PHTF2: variants seen among roughly 807,000 people sequenced by gnomAD.
PHTF2 encodes the protein protein PHTF2.
Under a neutral mutation model 101.2 loss-of-function variants are expected in PHTF2, and 60 were observed. The ratio of observed to expected loss-of-function variants is 0.59; its 90% CI spans 0.48 to 0.73. The LOEUF (loss-of-function observed/expected upper bound fraction) is 0.73. Ranked by LOEUF, PHTF2 falls within the 30% of genes least tolerant of loss-of-function variation. PHTF2 has a pLI of 0.00. For missense variants in PHTF2, 747 were observed against 908.7 expected (o/e 0.82, Z 2.29); for synonymous variants, 311 against 307.3 (o/e 1.01, Z -0.13).
chr7:77,923,117 C>T, intron 11 of PHTF2: 1 of 1,004,598 alleles, frequency 1.0e-6, no homozygotes, highest in Non-Finnish European at 1.2e-6. Flanking sequence ...TACATTTGAT[C>T]ATAGCAAAGT....
chr7:77,874,028 A>G (rs1798735973), intron 3 of PHTF2, among the ~76,000 whole-genome samples: 1 of 152,142 alleles, frequency 6.6e-6, no homozygotes, highest in African/African-American at 2.4e-5. Context: ...ATTTTCTTTC[A>G]TCACTTTGTC....
intron 3 of PHTF2, among the ~76,000 whole-genome samples, chr7:77,878,428 CA>C (rs1403560288): frequency 6.6e-6 from 1 of 151,926 alleles, no homozygotes; most frequent in Non-Finnish European, 1.5e-5. Flanking sequence ...TTTAGTTTTA[CA>C]ATAGTGATGT....
intron 3 of PHTF2, among the ~76,000 whole-genome samples, chr7:77,868,873 G>A (rs1020194790): frequency 1.3e-5 from 2 of 152,176 alleles, no homozygotes; most frequent in South Asian, 2.1e-4. Context: ...TTTTGAGAAA[G>A]TTCTAGCACA....
intron 6 of PHTF2, among the ~76,000 whole-genome samples, chr7:77,901,400 G>A (rs1179551969): frequency 6.6e-6 from 1 of 152,086 alleles, no homozygotes; most frequent in Non-Finnish European, 1.5e-5. Context: ...AAGGCAGAAG[G>A]ATCTCTTGAA....
rs1793553564 is a variant in PHTF2 at position 77,812,845 on chromosome 7, T to A, written c.-36+13874T>A. On this transcript the variant is annotated intron_variant, in intron 1 of 19. Coordinates refer to ENST00000416283, the Ensembl canonical transcript of PHTF2. ...ACCTCGTGATTTGCCCACCTTGGCC[T>A]CCCAAAGTGCTGGGATTACAGGTGT... Among the ~76,000 whole-genome samples, 3 of 152,116 alleles carry A rather than the reference T, an allele frequency of 2.0e-5. No individual in the cohort carries two copies. The South Asian group carries it at 6.2e-4, about 32-fold the overall frequency.
At chr7:77,912,042 ATAT>A (rs1562941724) in intron 9 of PHTF2, among the ~76,000 whole-genome samples, 1 of 152,146 alleles carries the variant, frequency 6.6e-6, no homozygotes. Context: ...TCTACAACTG[ATAT>A]TATGTGTAGT....
At chr7:77,955,790 C>G (rs1027822112) in exon 20 of PHTF2, 1 of 152,440 alleles carries the variant, frequency 6.6e-6, no homozygotes, top group African/African-American at 2.4e-5. Context: ...GTAGGCTATT[C>G]ATACCACACT....
exon 14 of PHTF2, chr7:77,940,067 T>C: frequency 6.2e-7 from 1 of 1,613,532 alleles, no homozygotes; most frequent in Non-Finnish European, 8.5e-7. Context: ...TACCAGATTT[T>C]TGGAAATGCA....
intron 3 of PHTF2, among the ~76,000 whole-genome samples, chr7:77,855,729 G>A (rs1415770732): frequency 6.6e-6 from 1 of 152,128 alleles, no homozygotes; most frequent in African/African-American, 2.4e-5. Context: ...GCTGAATTCT[G>A]CCCCATGTTG....
intron 11 of PHTF2, chr7:77,923,805 T>C: frequency 1.0e-6 from 1 of 985,210 alleles, no homozygotes; most frequent in Non-Finnish European, 1.2e-6. Flanking sequence ...TATTTAGCAG[T>C]AGCAGTATTT....
chr7:77,864,005 C>A (rs961446135), intron 3 of PHTF2, among the ~76,000 whole-genome samples: 2 of 152,092 alleles, frequency 1.3e-5, no homozygotes, highest in Non-Finnish European at 2.9e-5. Flanking sequence ...GGCTCAAACT[C>A]CTGAGCTCAA....
rs532303975 is a variant in PHTF2 at position 77,804,265 on chromosome 7, C to T, written c.-36+5294C>T. Among the ~76,000 whole-genome samples the T allele has an allele frequency of 7.2e-5, 11 of 152,206 alleles. No homozygotes were observed. The South Asian group carries it at 2.1e-3, about 29-fold the overall frequency. ...ATATATCATTTGTTGAAAAATAAACCTATCTTCTTGTTCCTAAATCTATTT... is the reference window on the plus strand; with the variant it reads ...ATATATCATTTGTTGAAAAATAAACTTATCTTCTTGTTCCTAAATCTATTT... On this transcript the variant is annotated intron_variant, in intron 1 of 19. Transcript: ENST00000416283.
intron 3 of PHTF2, among the ~76,000 whole-genome samples, chr7:77,888,897 T>C (rs2150779693): frequency 6.6e-6 from 1 of 152,054 alleles, no homozygotes; most frequent in Admixed American, 6.5e-5. Flanking sequence ...AACAATAATA[T>C]AAAGCAGAAG....
At chr7:77,886,732 G>C (rs1292430576) in intron 3 of PHTF2, among the ~76,000 whole-genome samples, 1 of 152,110 alleles carries the variant, frequency 6.6e-6, no homozygotes, top group African/African-American at 2.4e-5. Flanking sequence ...TCTCCATTGT[G>C]GTGAGGGGCA....
chr7:77,936,706 T>TAAAAAAAAAA (rs1195512245), intron 12 of PHTF2, among the ~76,000 whole-genome samples: 1 of 136,866 alleles, frequency 7.3e-6, no homozygotes, highest in African/African-American at 3.0e-5. Flanking sequence ...TATGAGTCCT[T>TAAAAAAAAAA]AAAAATACAC....
intron 5 of PHTF2, among the ~76,000 whole-genome samples, chr7:77,894,809 TGAA>T (rs1800744762): frequency 6.6e-6 from 1 of 151,968 alleles, no homozygotes; most frequent in African/African-American, 2.4e-5. Context: ...TTCAGACAGA[TGAA>T]GAGCAGATGG....
intron 3 of PHTF2, among the ~76,000 whole-genome samples, chr7:77,890,772 A>G (rs1450930470): frequency 1.3e-5 from 2 of 151,394 alleles, no homozygotes. Context: ...CACCCAGCTA[A>G]TTTTTTGTAT....
intron 3 of PHTF2, among the ~76,000 whole-genome samples, chr7:77,885,242 T>C (rs759455332): frequency 1.1e-4 from 17 of 151,976 alleles, no homozygotes; most frequent in Non-Finnish European, 1.9e-4. Flanking sequence ...TACAGACACA[T>C]GCTGCTGTAC....
At chr7:77,881,526 T>G (rs1001100379) in intron 3 of PHTF2, among the ~76,000 whole-genome samples, 11 of 152,104 alleles carry the variant, frequency 7.2e-5, no homozygotes, top group African/African-American at 2.6e-4. Context: ...TTTTGTTTTT[T>G]TTTTTTACTT....
Sources: gnomAD v4.1 joint callset for allele counts (sites outside exome capture counted in the v4.1 genomes callset) on GRCh38, gnomAD v4.1.1 for gene constraint, MANE v1.5 for transcripts, NCBI Gene and HGNC (gene_info 2026-07-23, HGNC 2026-07-21) for gene names.